The following HTR3E variants were observed in gnomAD, a reference collection of about 807,000 sequenced individuals.
HTR3E encodes the protein 5-hydroxytryptamine receptor 3E, also known as 5-hydroxytryptamine (serotonin) receptor 3, family member E.
Under a neutral mutation model 38.0 loss-of-function variants are expected in HTR3E, and 38 were observed. That is an observed-to-expected ratio of 1.00 (90% CI 0.77 to 1.31). HTR3E has a LOEUF of 1.31. HTR3E is among the 50% of genes most tolerant of loss of function. The probability of loss-of-function intolerance (pLI) is 0.00; values close to 1 mark genes in which losing one functional copy is unlikely to be tolerated. For missense variants in HTR3E, 547 were observed against 585.2 expected, an observed-to-expected ratio of 0.93 and a Z score of 0.67; for synonymous variants, 210 against 232.9, an observed-to-expected ratio of 0.90 and a Z score of 0.89.
rs78176560 is a variant in HTR3E at position 184,106,582 on chromosome 3, A to G, written c.1260A>G (p.Ser420=). Reference sequence around the variant, plus strand: ...AACACGAGGCCCAGAAGCAGCACTCAGTGGAGCTGTGGTTGCAGTTCAGCC... The same window carrying G: ...AACACGAGGCCCAGAAGCAGCACTCGGTGGAGCTGTGGTTGCAGTTCAGCC... ...QREHEAQKQH[S]VELWLQFSHA... Residue 420 remains serine, a synonymous_variant, in exon 9 of 9, where the codon TCA becomes TCG. Coordinates refer to ENST00000415389, the MANE Select transcript of HTR3E (RefSeq NM_001256613.2). The surrounding 1 kb of genome is among the most constrained non-coding windows in gnomAD (Gnocchi z 4.1). 7.0e-3 allele frequency: 11,376 copies of G among 1,614,180 alleles called. 202 individuals are homozygous for G. Among genetic ancestry groups the G allele is most frequent in the Admixed American group, 0.052 (3,114 of 60,016 alleles).
rs184465478 is a variant in HTR3E, at chr3:184,106,775, C to T, written c.*82C>T. The T allele has an allele frequency of 4.5e-5, 61 of 1,349,798 alleles. No individual in the cohort carries two copies. The African/African-American group carries it at 8.4e-4, about 19-fold the overall frequency. The allele number at this position is 1,349,798 out of a possible 1,614,324, so 83.6% of individuals were successfully genotyped here. ...CAGGTCTCCCCCCTTTCCTGAGTAC[C>T]AACTATCATATCCCCAAAGATGACT... is the stretch of plus-strand genomic sequence containing the variant. On this transcript the variant is annotated 3_prime_UTR_variant, in exon 9 of 9. Coordinates refer to ENST00000415389, the MANE Select transcript of HTR3E (RefSeq NM_001256613.2). This position sits in a 1 kb window ranked among gnomAD's most constrained non-coding sequence, Gnocchi z 4.1.
chr3:184,104,665 T>G, intron 4 of HTR3E, 122 bp from the exon 5 acceptor site: 1 of 843,114 alleles, frequency 1.2e-6, no homozygotes, highest in East Asian at 2.7e-5. Flanking sequence ...TGCAGTGAGC[T>G]GAGAGCATGC....
In HTR3E at chr3:184,106,299, A is replaced by G. The variant is rs1712453023; in HGVS notation, c.1097A>G (p.Gln366Arg). The G allele has an allele frequency of 1.2e-6, 2 of 1,612,768 alleles. No homozygotes were observed. Among genetic ancestry groups the G allele is most frequent in the Non-Finnish European group, 1.7e-6 (2 of 1,179,824 alleles). Residue 366 changes from glutamine (Q) to arginine (R), a missense_variant, in exon 8 of 9, where the codon CAG (glutamine) becomes CGG (arginine). Coordinates refer to ENST00000415389, the MANE Select transcript of HTR3E (RefSeq NM_001256613.2). The surrounding 1 kb of genome is among the most constrained non-coding windows in gnomAD (Gnocchi z 4.1). ...GGGAGATGCTGTCCCACTGCGCCCC[A>G]GAAGGAAAATAAGGGCCCGGGTCTC... ...SPGRCCPTAPQKENKGPGLTP... is the reference protein window; with the variant it reads ...SPGRCCPTAPRKENKGPGLTP...
Position 184,106,351 on chromosome 3 carries a change from A to G in HTR3E, c.1141+8A>G. ...CCCCCACCCACCTGCCCGGTGAGGG[A>G]AGTCACATTCCTCTTCCCCCACCTC... is the stretch of plus-strand genomic sequence containing the variant. On this transcript the variant is annotated splice_region_variant and intron_variant, in intron 8 of 8. Transcript: ENST00000415389. The surrounding 1 kb of genome is among the most constrained non-coding windows in gnomAD (Gnocchi z 4.1). 1 of 1,603,574 alleles carries G rather than the reference A, an allele frequency of 6.2e-7. No individual in the cohort carries two copies. The highest frequency in any genetic ancestry group is 8.5e-7 in the Non-Finnish European group (1 of 1,175,054).
rs749916147 is a variant in HTR3E at position 184,106,006 on chromosome 3, G to A, written c.925+37G>A. On this transcript the variant is annotated intron_variant, in intron 7 of 8. Transcript: ENST00000415389. This position sits in a 1 kb window ranked among gnomAD's most constrained non-coding sequence, Gnocchi z 4.1. ...CCCACCTTTTGGAAGAGAAGGGTGG[G>A]AACTAACTCAGGAAGGGAGGTATTT... The A allele has an allele frequency of 3.1e-6, 5 of 1,612,528 alleles. No individual in the cohort carries two copies. The South Asian group carries it at 4.4e-5, about 14-fold the overall frequency.
At position 184,106,112 on chromosome 3, in the gene HTR3E, C is replaced by G; in HGVS notation, c.926-16C>G. The G allele has an allele frequency of 6.2e-7, 1 of 1,613,134 alleles. No homozygotes were observed. Among genetic ancestry groups the G allele is most frequent in the Non-Finnish European group, 8.5e-7 (1 of 1,179,554 alleles). On this transcript the variant is annotated splice_polypyrimidine_tract_variant and intron_variant, in intron 7 of 8. Coordinates refer to ENST00000415389, the MANE Select transcript of HTR3E (RefSeq NM_001256613.2). The surrounding 1 kb of genome is among the most constrained non-coding windows in gnomAD (Gnocchi z 4.1). ...GGTGGTGCCTCTGGCCCTCACTAGG[C>G]CCCCCTTCCCTCCAGGTGTCTACTT...
intron 4 of HTR3E, 56 bp from the exon 5 acceptor site, chr3:184,104,731 A>AG: frequency 7.1e-7 from 1 of 1,417,346 alleles, no homozygotes; most frequent in African/African-American, 1.5e-5. Flanking sequence ...AAAAAAAAAA[A>AG]AAAAAAAGAG....
At position 184,104,291 on chromosome 3, in the gene HTR3E, T is replaced by C; in HGVS notation, c.389T>C (p.Leu130Pro). ...CTCCCAGACATTTTCATCATTGAACTGTGCGTATCAAGGGCTGGTCAGAGG... is the reference window on the plus strand; with the variant it reads ...CTCCCAGACATTTTCATCATTGAACCGTGCGTATCAAGGGCTGGTCAGAGG... ...LWLPDIFIIE[L>P]MDVDKTPKGL... Residue 130 changes from leucine (L) to proline (P), a missense_variant and splice_region_variant, in exon 4 of 9, where the codon CTC (leucine) becomes CCC (proline). Leu to Pro is a moderately conservative substitution (Grantham distance 98). Transcript: ENST00000415389. 6.2e-7 allele frequency: 1 copy of C among 1,609,214 alleles called. No homozygotes were observed. The highest frequency in any genetic ancestry group is 8.5e-7 in the Non-Finnish European group (1 of 1,177,728).
intron 5 of HTR3E, 29 bp downstream of exon 5, chr3:184,104,985 G>A (rs1195247281): frequency 2.5e-6 from 4 of 1,587,508 alleles, no homozygotes; most frequent in African/African-American, 1.4e-5. Flanking sequence ...TCAGGGATGG[G>A]GTGAATGAGA....
chr3:184,099,729 A>AC lies in HTR3E; in HGVS notation c.68-756_68-755insC, dbSNP rs1560092984. Reference sequence around the variant, plus strand: ...GAGCGAGACTCCGTCTCAAAAAAAAAAAAAAAAAAAAGAAAGAAATATGCA... The same window carrying AC: ...GAGCGAGACTCCGTCTCAAAAAAAAACAAAAAAAAAAAGAAAGAAATATGCA... On this transcript the variant is annotated intron_variant, in intron 1 of 8. Transcript: ENST00000415389. 3.5e-5 allele frequency among the ~76,000 whole-genome samples: 5 copies of AC among 143,536 alleles called. No individual in the cohort carries two copies. The East Asian group carries it at 8.0e-4, about 23-fold the overall frequency. 94.2% of individuals were successfully genotyped at this position (143,536 alleles called of 152,430 possible). A position where few individuals can be genotyped will look rare whatever the true frequency, so the allele number is the denominator to read the frequency against.
chr3:184,102,753 C>T (rs906943582), intron 3 of HTR3E, among the ~76,000 whole-genome samples: 2 of 151,644 alleles, frequency 1.3e-5, no homozygotes, highest in African/African-American at 2.4e-5. Context: ...GGTGAAACAC[C>T]GTCTCTACTA....
chr3:184,104,176 C>T lies in HTR3E; in HGVS notation c.280-6C>T, dbSNP rs574075689. The T allele has an allele frequency of 1.3e-6, 2 of 1,596,656 alleles. No individual in the cohort carries two copies. The highest frequency in any genetic ancestry group is 1.1e-5 in the South Asian group (1 of 88,478). ...GAGACTCACCTCTCCTCCACCTGGG[C>T]TCTAGGTTTGGGATAACCCATTTAT... is the stretch of plus-strand genomic sequence containing the variant. On this transcript the variant is annotated splice_region_variant and splice_polypyrimidine_tract_variant and intron_variant, in intron 3 of 8. Transcript: ENST00000415389.
Position 184,105,443 on chromosome 3 carries a change from CT to C in HTR3E, c.720+18del. The C allele has an allele frequency of 1.3e-6, 2 of 1,584,398 alleles. No individual in the cohort carries two copies. The highest frequency in any genetic ancestry group is 1.7e-6 in the Non-Finnish European group (2 of 1,167,046). Reference sequence around the variant, plus strand: ...CGTGTTCTATGTGAGCTTGGAGGCTCTTACTCTTTCCTTCCTCCCGCACTTT... The same window carrying C: ...CGTGTTCTATGTGAGCTTGGAGGCTCTACTCTTTCCTTCCTCCCGCACTTT... On this transcript the variant is annotated intron_variant, in intron 6 of 8. Transcript: ENST00000415389.
At chr3:184,100,710 A>T in intron 2 of HTR3E, 59 bp downstream of exon 2, 1 of 1,572,826 alleles carries the variant, frequency 6.4e-7, no homozygotes, top group Non-Finnish European at 8.6e-7. Flanking sequence ...AGCCCCTGGC[A>T]AAGTGGCCCC....
At position 184,105,877 on chromosome 3, in the gene HTR3E, G is replaced by A. The variant is rs1444444517; in HGVS notation, c.833G>A (p.Arg278His). Reference protein sequence around the residue: ...SFYLPVKSGNRVPFKITLLLG... With the variant: ...SFYLPVKSGNHVPFKITLLLG... ...TACCTGCCAGTGAAAAGTGGGAATC[G>A]TGTCCCATTCAAGATAACGCTCCTG... The change falls in exon 7 of 9, where the codon CGT becomes CAT. Residue 278 changes from arginine (R) to histidine (H), a missense_variant. Physicochemically the swap from Arg to His is conservative, Grantham distance 29. Coordinates refer to ENST00000415389, the MANE Select transcript of HTR3E (RefSeq NM_001256613.2). 3 of 1,614,080 alleles carry A rather than the reference G, an allele frequency of 1.9e-6. No individual in the cohort carries two copies. The highest frequency in any genetic ancestry group is 1.7e-5 in the Admixed American group (1 of 59,998).
In HTR3E at chr3:184,105,401, A is replaced by AACCT. The variant is rs1282719519; in HGVS notation, c.695_698dup (p.Tyr234ProfsTer3). The AACCT allele has an allele frequency of 6.2e-7, 1 of 1,613,634 alleles. No homozygotes were observed. The highest frequency in any genetic ancestry group is 2.2e-5 in the East Asian group (1 of 44,884). On this transcript the variant is annotated frameshift_variant, in exon 6 of 9. Transcript: ENST00000415389. LOFTEE classifies it high-confidence loss of function. ...CACCGCAAAGTTGTCCAGGGGAGGC[A>AACCT]ACCTGTATGATCAGATCGTGTTCTA...
At chr3:184,101,666 T>C in intron 3 of HTR3E, 137 bp downstream of exon 3, 1 of 772,094 alleles carries the variant, frequency 1.3e-6, no homozygotes, top group Non-Finnish European at 2.2e-6. Flanking sequence ...TCGACCATAA[T>C]GGTGAGGGGC....
Position 184,106,425 on chromosome 3 carries a change from A to G in HTR3E, c.1142-39A>G. 2 of 1,554,534 alleles carry G rather than the reference A, an allele frequency of 1.3e-6. No homozygotes were observed. Among genetic ancestry groups the G allele is most frequent in the Non-Finnish European group, 1.7e-6 (2 of 1,149,458 alleles). The stretch of plus-strand genomic sequence containing the variant: ...CCCTGTCTCCCTCCCTCCACAGGTG[A>G]CATTTGCAGCCCATGGCTGAGTCTC... On this transcript the variant is annotated intron_variant, in intron 8 of 8. Coordinates refer to ENST00000415389, the MANE Select transcript of HTR3E (RefSeq NM_001256613.2). This position sits in a 1 kb window ranked among gnomAD's most constrained non-coding sequence, Gnocchi z 4.1.
At chr3:184,104,653 G>A in intron 4 of HTR3E, 134 bp from the exon 5 acceptor site, 1 of 732,016 alleles carries the variant, frequency 1.4e-6, no homozygotes, top group Non-Finnish European at 2.1e-6. Flanking sequence ...GGACATGGAA[G>A]TTGCAGTGAG....
Sources: allele counts gnomAD v4.1 joint callset (sites outside exome capture counted in the v4.1 genomes callset), GRCh38; gene constraint gnomAD v4.1.1; non-coding constraint Gnocchi (gnomAD v3.1); transcripts MANE v1.5; gene names NCBI Gene and HGNC (gene_info 2026-07-23, HGNC 2026-07-21).